The following CDH18 variants were observed in gnomAD, a reference collection of about 807,000 sequenced individuals.
CDH18 encodes cadherin 18.
In CDH18, 31 loss-of-function variants were observed where a neutral mutation model predicts 67.9. That is an observed-to-expected ratio of 0.46 (90% CI 0.34 to 0.62). The LOEUF (loss-of-function observed/expected upper bound fraction) is 0.62. Ranked by LOEUF, CDH18 falls within the 20% of genes least tolerant of loss-of-function variation. The probability of loss-of-function intolerance (pLI) is 0.01; values close to 1 mark genes in which losing one functional copy is unlikely to be tolerated. For missense variants in CDH18, 890 were observed against 975.5 expected (o/e 0.91, Z 1.17); for synonymous variants, 362 against 347.2 (o/e 1.04, Z -0.48).
chr5:19,625,478 T>C (rs1751400752), intron 5 of CDH18, among the ~76,000 whole-genome samples: 1 of 151,826 alleles, frequency 6.6e-6, no homozygotes, highest in African/African-American at 2.4e-5. Flanking sequence ...AGCAAAAAAG[T>C]ATTGTTGCAC....
At chr5:20,435,994 T>A (rs113783365) in intron 1 of CDH18, among the ~76,000 whole-genome samples, 4 of 152,146 alleles carry the variant, frequency 2.6e-5, no homozygotes, top group African/African-American at 9.6e-5. Flanking sequence ...TTTTTGAAGT[T>A]AACTGTTATA....
At position 20,113,291 on chromosome 5, in the gene CDH18, C is replaced by T. The variant is rs1747630924; in HGVS notation, c.-517-121277G>A. ...TTGAAAAAGGAATTATATGCATCTTCCCCAGCTGAGATGCTTTAATTCTTG... is the reference window on the plus strand; with the variant it reads ...TTGAAAAAGGAATTATATGCATCTTTCCCAGCTGAGATGCTTTAATTCTTG... On this transcript the variant is annotated intron_variant, in intron 2 of 14. Coordinates refer to the CDH18 transcript ENST00000507958. 4.6e-5 allele frequency among the ~76,000 whole-genome samples: 7 copies of T among 152,150 alleles called. No homozygotes were observed. The South Asian group carries it at 1.4e-3, about 32-fold the overall frequency.
At chr5:20,127,553 A>C (rs556291479) in intron 2 of CDH18, among the ~76,000 whole-genome samples, 1 of 152,276 alleles carries the variant, frequency 6.6e-6, no homozygotes, top group East Asian at 1.9e-4. Flanking sequence ...ACAACATGGA[A>C]GAAACTTGAA....
At chr5:19,561,717 G>GTTTGGCCTAGGGGAAACATAA (rs952395946) in intron 8 of CDH18, among the ~76,000 whole-genome samples, 1 of 152,044 alleles carries the variant, frequency 6.6e-6, no homozygotes, top group African/African-American at 2.4e-5. Context: ...TTATAATTAT[G>GTTTGGCCTAGGGGAAACATAA]TTTGGCCTAG....
intron 9 of CDH18, among the ~76,000 whole-genome samples, chr5:19,532,408 T>A (rs809498): frequency 0.51 from 77,726 of 152,086 alleles, 20,927 homozygotes; most frequent in African/African-American, 0.69. Flanking sequence ...TAACATTTTT[T>A]TATTTTCATT....
In CDH18 at chr5:19,914,718, C is replaced by A. The variant is rs568356359; in HGVS notation, c.-257+66342G>T. Among the ~76,000 whole-genome samples the A allele has an allele frequency of 3.2e-4, 48 of 152,040 alleles. 1 individual carries two copies. The South Asian group carries it at 9.6e-3, about 30-fold the overall frequency. On this transcript the variant is annotated intron_variant, in intron 2 of 12. Transcript: ENST00000382275. ...ATTTGAATTTTATGCATTTTGAGCA[C>A]CTAGCAATAATACTGGCTTTTTAGG...
rs143686210 is a variant in CDH18, at chr5:20,352,104, T to G, written c.-579-96599A>C. 4.2e-3 allele frequency among the ~76,000 whole-genome samples: 644 copies of G among 152,270 alleles called. 1 individual carries two copies. The highest frequency in any genetic ancestry group is 0.014 in the African/African-American group (602 of 41,564). ...CAAGTGATCCAAATGCATACACACT[T>G]GACCCTTGAACAGCACGAGTTTGAA... is the stretch of plus-strand genomic sequence containing the variant. On this transcript the variant is annotated intron_variant, in intron 1 of 14. Coordinates refer to the CDH18 transcript ENST00000507958.
rs538291047 is a variant in CDH18, at chr5:19,964,063, G to A, written c.-257+16997C>T. On this transcript the variant is annotated intron_variant, in intron 2 of 12. Transcript: ENST00000382275. ...GGAATTACAATTTAAGATGGGATTT[G>A]AGTGAGGACACAGCCAAACCATATC... Among the ~76,000 whole-genome samples the A allele has an allele frequency of 7.6e-4, 115 of 152,196 alleles. 1 individual carries two copies. Among genetic ancestry groups the A allele is most frequent in the African/African-American group, 2.7e-3 (111 of 41,520 alleles).
At chr5:19,932,062 G>T (rs562758344) in intron 2 of CDH18, among the ~76,000 whole-genome samples, 78 of 151,876 alleles carry the variant, frequency 5.1e-4, no homozygotes, top group African/African-American at 1.8e-3. Context: ...TTTATTGAAA[G>T]AACATGTATG....
intron 1 of CDH18, among the ~76,000 whole-genome samples, chr5:20,493,567 A>C (rs1753722497): frequency 6.6e-6 from 1 of 151,944 alleles, no homozygotes; most frequent in Non-Finnish European, 1.5e-5. Context: ...AGAGCTTTAG[A>C]GTGACAACAG....
chr5:19,505,732 G>C (rs556079742), intron 10 of CDH18, among the ~76,000 whole-genome samples: 8 of 152,162 alleles, frequency 5.3e-5, no homozygotes, highest in African/African-American at 1.4e-4. Context: ...GTATTTTATT[G>C]AGGATTTTTG....
chr5:19,917,948 G>C (rs1792010827), intron 2 of CDH18, among the ~76,000 whole-genome samples: 1 of 152,156 alleles, frequency 6.6e-6, no homozygotes, highest in Non-Finnish European at 1.5e-5. Flanking sequence ...AAATCCCTGG[G>C]TAGCTGAAGC....
At chr5:19,851,177 A>G (rs902687695) in intron 2 of CDH18, among the ~76,000 whole-genome samples, 10 of 151,894 alleles carry the variant, frequency 6.6e-5, no homozygotes, top group African/African-American at 2.2e-4. Context: ...TTGTTAATAT[A>G]ACTGCTGCAC....
At chr5:19,477,364 G>A (rs928757554) in intron 12 of CDH18, among the ~76,000 whole-genome samples, 25 of 151,324 alleles carry the variant, frequency 1.7e-4, no homozygotes, top group African/African-American at 5.8e-4. Context: ...GATGGCACCA[G>A]GTAGATACTC....
At chr5:20,124,999 A>G (rs912609635) in intron 2 of CDH18, among the ~76,000 whole-genome samples, 5 of 152,146 alleles carry the variant, frequency 3.3e-5, no homozygotes, top group Non-Finnish European at 7.4e-5. Flanking sequence ...GCCATGTAAA[A>G]TCTGGTGTCA....
chr5:19,669,178 A>G (rs2150343020), intron 5 of CDH18, among the ~76,000 whole-genome samples: 1 of 146,526 alleles, frequency 6.8e-6, no homozygotes, highest in South Asian at 2.1e-4. Context: ...ATATCATAAT[A>G]ATACAATATA....
chr5:19,928,903 A>C (rs1229886016), intron 2 of CDH18, among the ~76,000 whole-genome samples: 1 of 152,112 alleles, frequency 6.6e-6, no homozygotes, highest in African/African-American at 2.4e-5. Context: ...CAGATGAAGA[A>C]ATTTAGTCAG....
At chr5:20,431,354 A>G (rs1036287488) in intron 1 of CDH18, among the ~76,000 whole-genome samples, 2 of 151,842 alleles carry the variant, frequency 1.3e-5, no homozygotes, top group African/African-American at 4.8e-5. Context: ...TTACGTGGGT[A>G]TGGTGGTGCA....
chr5:19,684,710 A>G (rs532306456), intron 5 of CDH18, among the ~76,000 whole-genome samples: 1 of 152,046 alleles, frequency 6.6e-6, no homozygotes, highest in Non-Finnish European at 1.5e-5. Flanking sequence ...TTTTACTCTG[A>G]GAAATAAAAA....
Sources: allele counts gnomAD v4.1 joint callset (sites outside exome capture counted in the v4.1 genomes callset), GRCh38; gene constraint gnomAD v4.1.1; transcripts MANE v1.5; gene names NCBI Gene and HGNC (gene_info 2026-07-23, HGNC 2026-07-21).